Variants in TMEFF2 observed in about 807,000 individuals in gnomAD.
TMEFF2 encodes the protein transmembrane protein with EGF like and two follistatin like domains 2.
A neutral mutation model predicts 53.8 loss-of-function variants in TMEFF2; 28 were observed. The ratio of observed to expected loss-of-function variants is 0.52; its 90% CI spans 0.39 to 0.71. TMEFF2 has a LOEUF of 0.71. Ranked by LOEUF, TMEFF2 falls within the 30% of genes least tolerant of loss-of-function variation. The probability of loss-of-function intolerance (pLI) is 0.00; values close to 1 mark genes in which losing one functional copy is unlikely to be tolerated. For missense variants in TMEFF2, 353 were observed against 455.2 expected (o/e 0.78, Z 2.04); for synonymous variants, 162 against 166.3 (o/e 0.97, Z 0.20).
rs1484912184 is a variant in TMEFF2 at position 192,194,709 on chromosome 2, A to G, written c.-185T>C. On this transcript the variant is annotated 5_prime_UTR_variant, in exon 1 of 10. Transcript: ENST00000272771. This position sits in a 1 kb window ranked among gnomAD's most constrained non-coding sequence, Gnocchi z 4.2. ...GATCTCGAGAGTTTCAGCAACATCC[A>G]GGGACTGGGCTCAGCCCCGGAGCGA... The G allele has an allele frequency of 6.2e-6, 4 of 641,030 alleles. No individual in the cohort carries two copies. The Admixed American group carries it at 1.1e-4, about 17-fold the overall frequency. 39.7% of individuals were successfully genotyped at this position (641,030 alleles called of 1,614,324 possible).
chr2:192,055,811 C>CTG lies in TMEFF2; in HGVS notation c.536+1866_536+1867dup, dbSNP rs1166431545. 3.7e-3 allele frequency among the ~76,000 whole-genome samples: 538 copies of CTG among 147,358 alleles called. 3 individuals are homozygous for CTG. The highest frequency in any genetic ancestry group is 0.013 in the African/African-American group (521 of 40,088). ...AAAAAAAAAAAAAAGAAGCGAGACT[C>CTG]TGTCTCAATAAAAAACAAAAAACAT... is the stretch of plus-strand genomic sequence containing the variant. On this transcript the variant is annotated intron_variant, in intron 5 of 9. Transcript: ENST00000272771.
At chr2:192,054,561 A>G (rs1687856054) in intron 5 of TMEFF2, among the ~76,000 whole-genome samples, 1 of 152,118 alleles carries the variant, frequency 6.6e-6, no homozygotes, top group Admixed American at 6.6e-5. Flanking sequence ...AACTTTTGCA[A>G]GAATACCAGG....
At chr2:192,184,244 C>A in intron 3 of TMEFF2, 110 bp downstream of exon 3, 1 of 1,324,748 alleles carries the variant, frequency 7.5e-7, no homozygotes, top group Non-Finnish European at 1.0e-6. Context: ...TACGGCTTGT[C>A]TAGTCAACAT....
chr2:191,974,778 T>C (rs1692751948), intron 7 of TMEFF2, among the ~76,000 whole-genome samples: 1 of 152,160 alleles, frequency 6.6e-6, no homozygotes, highest in South Asian at 2.1e-4. Context: ...GTAGACCATT[T>C]AGTCTATCTG....
At chr2:191,950,526 T>A (rs1691843349) in intron 9 of TMEFF2, 119 bp from the exon 10 acceptor site, 1 of 1,377,172 alleles carries the variant, frequency 7.3e-7, no homozygotes, top group African/African-American at 1.4e-5. Context: ...GATGAAAGAA[T>A]TTATCATTAG....
chr2:192,064,312 G>A (rs1421976216), intron 4 of TMEFF2, among the ~76,000 whole-genome samples: 1 of 151,610 alleles, frequency 6.6e-6, no homozygotes, highest in Non-Finnish European at 1.5e-5. Flanking sequence ...TCATATTCCA[G>A]TCTTTGCATT....
At chr2:192,137,121 A>T (rs533642090) in intron 4 of TMEFF2, among the ~76,000 whole-genome samples, 1 of 152,354 alleles carries the variant, frequency 6.6e-6, no homozygotes, top group African/African-American at 2.4e-5. Context: ...ATATTGTAAG[A>T]AGTGGTGTGT....
chr2:192,194,469 A>C lies in TMEFF2; in HGVS notation c.56T>G (p.Phe19Cys). 6.2e-7 allele frequency: 1 copy of C among 1,614,116 alleles called. No homozygotes were observed. Among genetic ancestry groups the C allele is most frequent in the South Asian group, 1.1e-5 (1 of 91,076 alleles). The part of the protein sequence containing the change: ...QCSSWTLCEG[F>C]CWLLLLPVML... ...GACGGGCAGCAGCAGCAGCCAGCAA[A>C]AGCCCTCGCAAAGTGTCCAGCTGCT... Residue 19 changes from phenylalanine to cysteine, a missense_variant, in exon 1 of 10, where the codon TTT (phenylalanine) becomes TGT (cysteine). Coordinates refer to ENST00000272771, the MANE Select transcript of TMEFF2 (RefSeq NM_016192.4). This position sits in a 1 kb window ranked among gnomAD's most constrained non-coding sequence, Gnocchi z 4.2.
chr2:192,163,112 A>G (rs1690674492), intron 4 of TMEFF2, among the ~76,000 whole-genome samples: 1 of 152,206 alleles, frequency 6.6e-6, no homozygotes, highest in Admixed American at 6.5e-5. Context: ...GTGACTTTCT[A>G]TATTGCTCTG....
intron 4 of TMEFF2, among the ~76,000 whole-genome samples, chr2:192,065,178 T>C (rs1297001623): frequency 1.3e-5 from 2 of 151,982 alleles, no homozygotes; most frequent in East Asian, 3.9e-4. Flanking sequence ...GGTGTGTTTC[T>C]TCTATTATAT....
chr2:192,043,914 A>G (rs1228787676), intron 5 of TMEFF2: 2 of 152,208 alleles, frequency 1.3e-5, no homozygotes, highest in Non-Finnish European at 2.9e-5. Context: ...AGTCAGATGA[A>G]TCTTGGAGAA....
chr2:192,019,179 T>C (rs572339376), intron 5 of TMEFF2, among the ~76,000 whole-genome samples: 1 of 152,092 alleles, frequency 6.6e-6, no homozygotes, highest in Non-Finnish European at 1.5e-5. Context: ...AATCATCACA[T>C]GCCATCTATT....
chr2:192,175,497 A>G (rs1691019548), intron 4 of TMEFF2, among the ~76,000 whole-genome samples: 1 of 151,664 alleles, frequency 6.6e-6, no homozygotes. Flanking sequence ...TATCATAACA[A>G]CAATTATCTG....
intron 4 of TMEFF2, among the ~76,000 whole-genome samples, chr2:192,127,003 A>G (rs1471768043): frequency 2.6e-5 from 4 of 152,202 alleles, no homozygotes; most frequent in African/African-American, 7.2e-5. Context: ...ATATTTAATT[A>G]TGTGCCAATA....
At chr2:192,102,626 CTTTTTTTTT>C (rs10635775) in intron 4 of TMEFF2, among the ~76,000 whole-genome samples, 1 of 109,844 alleles carries the variant, frequency 9.1e-6, no homozygotes, top group South Asian at 3.0e-4. Context: ...TTTTCTTGTT[CTTTTTTTTT>C]TTTTTTTTTT....
chr2:192,091,688 G>GTT (rs144246685), intron 4 of TMEFF2, among the ~76,000 whole-genome samples: 1 of 148,560 alleles, frequency 6.7e-6, no homozygotes, highest in African/African-American at 2.5e-5. Context: ...AGTAAGATTA[G>GTT]TTTTTTTTTT....
intron 4 of TMEFF2, among the ~76,000 whole-genome samples, chr2:192,139,647 T>C (rs1268842555): frequency 6.6e-6 from 1 of 152,196 alleles, no homozygotes; most frequent in Non-Finnish European, 1.5e-5. Flanking sequence ...TATTCAACCC[T>C]GGACAATTTC....
chr2:192,159,587 A>G (rs1690585899), intron 4 of TMEFF2, among the ~76,000 whole-genome samples: 1 of 152,156 alleles, frequency 6.6e-6, no homozygotes, highest in Non-Finnish European at 1.5e-5. Flanking sequence ...TTAACATCTA[A>G]TAAAATTTGG....
intron 2 of TMEFF2, among the ~76,000 whole-genome samples, chr2:192,189,892 A>G (rs376709379): frequency 1.1e-4 from 17 of 152,322 alleles, no homozygotes; most frequent in African/African-American, 4.1e-4. Context: ...ATTGACAACT[A>G]TTGCAAAGCA....
Sources: gnomAD v4.1 joint callset for allele counts (sites outside exome capture counted in the v4.1 genomes callset) on GRCh38, gnomAD v4.1.1 for gene constraint, Gnocchi (gnomAD v3.1) non-coding constraint, MANE v1.5 for transcripts, NCBI Gene and HGNC (gene_info 2026-07-23, HGNC 2026-07-21) for gene names.